ALK: variants seen among roughly 807,000 people sequenced by gnomAD.
The protein encoded by ALK is ALK receptor tyrosine kinase.
A neutral mutation model predicts 163.1 loss-of-function variants in ALK; 74 were observed. The observed-to-expected ratio is 0.45, with a 90% CI of 0.38 to 0.55. The LOEUF (loss-of-function observed/expected upper bound fraction) is 0.55. ALK is among the 20% of genes least tolerant of loss of function. ALK has a pLI of 0.00. For synonymous variants in ALK, 960 were observed against 843.2 expected (o/e 1.14, Z -2.40); for missense variants, 2,063 against 2,105.3 (o/e 0.98, Z 0.39).
chr2:29,286,986 A>T (rs894169891), intron 9 of ALK, among the ~76,000 whole-genome samples: 13 of 151,080 alleles, frequency 8.6e-5, no homozygotes, highest in African/African-American at 3.2e-4. Context: ...CAGCTAGACT[A>T]CATTCCCCAG....
chr2:29,318,180 C>A (rs1350703005), intron 8 of ALK, 124 bp downstream of exon 8: 1 of 762,972 alleles, frequency 1.3e-6, no homozygotes. Flanking sequence ...CAGAGGTGGC[C>A]CTCTTGTTCT....
intron 4 of ALK, among the ~76,000 whole-genome samples, chr2:29,496,198 T>C (rs1042105390): frequency 6.6e-6 from 1 of 152,228 alleles, no homozygotes; most frequent in African/African-American, 2.4e-5. Context: ...TATAAATATC[T>C]GAATGTAGGA....
intron 1 of ALK, among the ~76,000 whole-genome samples, chr2:29,893,703 C>T (rs962302562): frequency 2.6e-5 from 4 of 152,050 alleles, no homozygotes; most frequent in African/African-American, 7.3e-5. Flanking sequence ...GACTCAGTTA[C>T]GTAGATTACT....
At position 29,798,369 on chromosome 2, in the gene ALK, G is replaced by A. The variant is rs187909219; in HGVS notation, c.668-80672C>T. On this transcript the variant is annotated intron_variant, in intron 1 of 28. Coordinates refer to ENST00000389048, the MANE Select transcript of ALK (RefSeq NM_004304.5). The stretch of plus-strand genomic sequence containing the variant: ...AATTAGCCACAGAAATCCCATCAAA[G>A]GGAAATCTAAGGAATTAGAATTCTA... Among the ~76,000 whole-genome samples, 384 of 152,302 alleles carry A rather than the reference G, an allele frequency of 2.5e-3. 1 individual carries two copies. Among genetic ancestry groups the A allele is most frequent in the African/African-American group, 8.9e-3 (368 of 41,574 alleles).
chr2:29,249,381 C>T (rs1664761414), intron 12 of ALK, among the ~76,000 whole-genome samples: 1 of 152,148 alleles, frequency 6.6e-6, no homozygotes, highest in African/African-American at 2.4e-5. Flanking sequence ...TGCCCAATAT[C>T]CCTTCAGGAG....
intron 12 of ALK, among the ~76,000 whole-genome samples, chr2:29,250,804 A>C (rs1664795790): frequency 6.6e-6 from 1 of 152,236 alleles, no homozygotes; most frequent in Non-Finnish European, 1.5e-5. Flanking sequence ...GCAATATTCA[A>C]TGAACAGGCC....
intron 5 of ALK, among the ~76,000 whole-genome samples, chr2:29,383,484 T>G (rs150208631): frequency 2.6e-5 from 4 of 152,288 alleles, no homozygotes; most frequent in Non-Finnish European, 2.9e-5. Context: ...ACCAGGCTAA[T>G]TTTTGTAATT....
At chr2:29,540,610 T>C (rs1415394447) in intron 3 of ALK, among the ~76,000 whole-genome samples, 3 of 148,160 alleles carry the variant, frequency 2.0e-5, no homozygotes, top group African/African-American at 7.4e-5. Flanking sequence ...AAAAACCCTA[T>C]AGGTTTTTCT....
chr2:29,643,889 C>T (rs931723798), intron 3 of ALK, among the ~76,000 whole-genome samples: 3 of 152,088 alleles, frequency 2.0e-5, no homozygotes, highest in Non-Finnish European at 4.4e-5. Flanking sequence ...CCAGCCATCC[C>T]ATTACTGGGT....
At chr2:29,233,255 G>T (rs1664268373) in intron 14 of ALK, among the ~76,000 whole-genome samples, 1 of 152,126 alleles carries the variant, frequency 6.6e-6, no homozygotes, top group Non-Finnish European at 1.5e-5. Context: ...TGATCCTCCT[G>T]CCTCAGCCTC....
chr2:29,897,963 C>T (rs916771664), intron 1 of ALK, among the ~76,000 whole-genome samples: 2 of 152,098 alleles, frequency 1.3e-5, no homozygotes, highest in African/African-American at 4.8e-5. Context: ...GAAAGAAAAG[C>T]AGTCATATCC....
rs1478791886 is a variant in ALK, at chr2:29,673,553, C to T, written c.952+21297G>A. Among the ~76,000 whole-genome samples, 58 of 106,308 alleles carry T rather than the reference C, an allele frequency of 5.5e-4. 2 individuals carry two copies. The East Asian group carries it at 0.013, about 23-fold the overall frequency. 69.7% of individuals were successfully genotyped at this position (106,308 alleles called of 152,430 possible). Reference sequence around the variant, plus strand: ...TTGATCTATATTTCTGTTTTGGTACCAGTACCATGCTGTTTTGGTTACTGT... The same window carrying T: ...TTGATCTATATTTCTGTTTTGGTACTAGTACCATGCTGTTTTGGTTACTGT... On this transcript the variant is annotated intron_variant, in intron 3 of 28. Transcript: ENST00000389048.
chr2:29,411,889 T>C (rs1041847410), intron 4 of ALK, among the ~76,000 whole-genome samples: 94 of 152,220 alleles, frequency 6.2e-4, no homozygotes, highest in African/African-American at 2.1e-3. Context: ...TTTGAAGTCA[T>C]GGATGAGCCT....
At chr2:29,336,675 G>T (rs1184645523) in intron 5 of ALK, among the ~76,000 whole-genome samples, 1 of 152,152 alleles carries the variant, frequency 6.6e-6, no homozygotes, top group Non-Finnish European at 1.5e-5. Context: ...TCTTTCAATC[G>T]TGTTTTAGAG....
chr2:29,600,838 C>T (rs1039917898), intron 3 of ALK, among the ~76,000 whole-genome samples: 1 of 152,054 alleles, frequency 6.6e-6, no homozygotes. Flanking sequence ...GAACCCAGGC[C>T]GTATTTCTGG....
At chr2:29,625,600 CTGT>C (rs905902817) in intron 3 of ALK, among the ~76,000 whole-genome samples, 1 of 152,172 alleles carries the variant, frequency 6.6e-6, no homozygotes, top group African/African-American at 2.4e-5. Context: ...CGGGAGAAAT[CTGT>C]TGTTAGGCAT....
chr2:29,223,744 T>C, intron 19 of ALK: 1 of 597,142 alleles, frequency 1.7e-6, no homozygotes, highest in East Asian at 2.8e-5. Context: ...AAATCAGATA[T>C]ATGGAAAATA....
intron 1 of ALK, among the ~76,000 whole-genome samples, chr2:29,743,302 T>C (rs7602020): frequency 6.6e-6 from 1 of 152,192 alleles, no homozygotes; most frequent in Non-Finnish European, 1.5e-5. Flanking sequence ...TCATTTAGAG[T>C]ATGATGTTCG....
chr2:29,223,541 G>A lies in ALK; in HGVS notation c.3173-13C>T, dbSNP rs761243714. 1 of 1,612,450 alleles carries A rather than the reference G, an allele frequency of 6.2e-7. No homozygotes were observed. Among genetic ancestry groups the A allele is most frequent in the Admixed American group, 1.7e-5 (1 of 59,966 alleles). On this transcript the variant is annotated splice_polypyrimidine_tract_variant and intron_variant, in intron 19 of 28. Coordinates refer to ENST00000389048, the MANE Select transcript of ALK (RefSeq NM_004304.5). ...TTCCGGCGGTACACTGCAGGTGGGT[G>A]GTCAGCTGCAACATGGCCTGGCAGC...
Sources: allele counts gnomAD v4.1 joint callset (sites outside exome capture counted in the v4.1 genomes callset), GRCh38; gene constraint gnomAD v4.1.1; transcripts MANE v1.5; gene names NCBI Gene and HGNC (gene_info 2026-07-23, HGNC 2026-07-21).